The following CACNB2 variants were observed in gnomAD, a reference collection of about 807,000 sequenced individuals.
CACNB2 encodes the protein voltage-dependent L-type calcium channel subunit beta-2.
Under a neutral mutation model 73.3 loss-of-function variants are expected in CACNB2, and 42 were observed. The ratio of observed to expected loss-of-function variants is 0.57; its 90% CI spans 0.45 to 0.74. The LOEUF (loss-of-function observed/expected upper bound fraction) is 0.74, where lower values mean the gene tolerates loss of function less well. Among genes scored for constraint, CACNB2 ranks in the 30% least tolerant of loss-of-function variants. The pLI, the probability that CACNB2 is intolerant of heterozygous loss-of-function variation, is 0.00. For missense variants in CACNB2, 940 were observed against 853.0 expected, an observed-to-expected ratio of 1.10 and a Z score of -1.27; for synonymous variants, 348 against 310.3, an observed-to-expected ratio of 1.12 and a Z score of -1.28.
At position 18,314,943 on chromosome 10, in the gene CACNB2, C is replaced by A. The variant is rs538488146; in HGVS notation, c.214-86981C>A. ...TTGGAATTCTAGTGGTGTTTCATTT[C>A]TTTTTTTAAAAAATACTTGCCCTTA... On this transcript the variant is annotated intron_variant, in intron 2 of 13. Coordinates refer to ENST00000324631, the MANE Select transcript of CACNB2 (RefSeq NM_201596.3). Among the ~76,000 whole-genome samples, 4 of 152,122 alleles carry A rather than the reference C, an allele frequency of 2.6e-5. No homozygotes were observed. In the South Asian group the frequency reaches 8.3e-4, roughly 32 times the overall value.
At chr10:18,289,762 T>C (rs1389992657) in intron 2 of CACNB2, among the ~76,000 whole-genome samples, 2 of 152,188 alleles carry the variant, frequency 1.3e-5, no homozygotes, top group African/African-American at 4.8e-5. Context: ...ACGTGACGTT[T>C]AGCTGTGTGG....
chr10:18,190,152 C>T (rs556813242), intron 2 of CACNB2, among the ~76,000 whole-genome samples: 1 of 152,156 alleles, frequency 6.6e-6, no homozygotes, highest in Non-Finnish European at 1.5e-5. Flanking sequence ...TAGCTCATGT[C>T]CGCATCCTCT....
At chr10:18,433,031 T>C (rs1046648632) in intron 3 of CACNB2, among the ~76,000 whole-genome samples, 1 of 152,010 alleles carries the variant, frequency 6.6e-6, no homozygotes, top group African/African-American at 2.4e-5. Flanking sequence ...GCTTCCTGTT[T>C]CTGTGTTTAC....
chr10:18,299,959 G>T (rs574260280), intron 2 of CACNB2, among the ~76,000 whole-genome samples: 4 of 151,592 alleles, frequency 2.6e-5, no homozygotes, highest in Admixed American at 1.3e-4. Context: ...CTAAATTTCC[G>T]ACCCTGTTCT....
At position 18,237,314 on chromosome 10, in the gene CACNB2, G is replaced by C. The variant is rs550227153; in HGVS notation, c.213+86339G>C. Among the ~76,000 whole-genome samples, 2 of 152,250 alleles carry C rather than the reference G, an allele frequency of 1.3e-5. 1 individual carries two copies. Among genetic ancestry groups the C allele is most frequent in the African/African-American group, 4.8e-5 (2 of 41,544 alleles). Reference sequence around the variant, plus strand: ...TTAAGATTAGATTTTACTCAATTAGGGTTGCCTCAAATCCAGTATGACTGA... The same window carrying C: ...TTAAGATTAGATTTTACTCAATTAGCGTTGCCTCAAATCCAGTATGACTGA... On this transcript the variant is annotated intron_variant, in intron 2 of 13. Transcript: ENST00000324631.
intron 3 of CACNB2, among the ~76,000 whole-genome samples, chr10:18,406,766 C>T (rs1174877243): frequency 3.9e-5 from 6 of 152,174 alleles, no homozygotes; most frequent in African/African-American, 1.4e-4. Context: ...CCCCAAACCC[C>T]AGTCCATGGA....
intron 2 of CACNB2, among the ~76,000 whole-genome samples, chr10:18,163,963 A>T (rs376730641): frequency 9.9e-5 from 15 of 152,146 alleles, no homozygotes; most frequent in African/African-American, 3.6e-4. Context: ...TTGTTGGAAG[A>T]TTCCTTAGAT....
chr10:18,176,109 T>C lies in CACNB2; in HGVS notation c.213+25134T>C, dbSNP rs1445344205. Among the ~76,000 whole-genome samples, 25 of 152,220 alleles carry C rather than the reference T, an allele frequency of 1.6e-4. 1 individual carries two copies. The highest frequency in any genetic ancestry group is 1.6e-3 in the Admixed American group (25 of 15,282). ...TTCATTCCTAGTATCATTTCTAGTA[T>C]GCCAAAGACAGTGGTGCGCTTCCAT... On this transcript the variant is annotated intron_variant, in intron 2 of 13. Coordinates refer to ENST00000324631, the MANE Select transcript of CACNB2 (RefSeq NM_201596.3).
chr10:18,250,170 T>C (rs140047716), intron 2 of CACNB2, among the ~76,000 whole-genome samples: 35 of 152,348 alleles, frequency 2.3e-4, no homozygotes, highest in African/African-American at 8.2e-4. Context: ...AAAACTCATC[T>C]CTGTGTTTCC....
At chr10:18,296,870 A>C (rs1011524585) in intron 2 of CACNB2, among the ~76,000 whole-genome samples, 3 of 152,228 alleles carry the variant, frequency 2.0e-5, no homozygotes, top group Non-Finnish European at 4.4e-5. Context: ...TTCTGAGTTT[A>C]AATCCTGATT....
At chr10:18,262,672 AT>A (rs1362433977) in intron 2 of CACNB2, among the ~76,000 whole-genome samples, 3 of 152,240 alleles carry the variant, frequency 2.0e-5, no homozygotes, top group Non-Finnish European at 4.4e-5. Context: ...AATAATTTTA[AT>A]TTAAAAATCC....
intron 2 of CACNB2, among the ~76,000 whole-genome samples, chr10:18,357,191 T>C (rs911482799): frequency 7.6e-5 from 11 of 144,926 alleles, no homozygotes; most frequent in Admixed American, 5.5e-4. Flanking sequence ...GATCCGCCCG[T>C]CTCGGCCTCC....
chr10:18,420,867 A>G (rs2045281647), intron 3 of CACNB2, among the ~76,000 whole-genome samples: 1 of 152,240 alleles, frequency 6.6e-6, no homozygotes. Context: ...GAAGAACTGA[A>G]AATAATTTTT....
chr10:18,400,657 T>TC (rs2043947278), intron 2 of CACNB2: 2 of 937,324 alleles, frequency 2.1e-6, no homozygotes, highest in South Asian at 8.9e-5. Flanking sequence ...TTTTTTTTTT[T>TC]CTGCGATTCT....
intron 2 of CACNB2, among the ~76,000 whole-genome samples, chr10:18,384,729 C>T (rs756537933): frequency 7.7e-5 from 11 of 142,146 alleles, no homozygotes; most frequent in Non-Finnish European, 1.2e-4. Context: ...GACCCTGTCT[C>T]AAAACAACAA....
At chr10:18,249,063 T>G (rs2036983667) in intron 2 of CACNB2, among the ~76,000 whole-genome samples, 1 of 152,156 alleles carries the variant, frequency 6.6e-6, no homozygotes, top group Non-Finnish European at 1.5e-5. Flanking sequence ...ACACCTTCCT[T>G]GTACTTAAAT....
chr10:18,507,606 A>G (rs971633512), intron 6 of CACNB2, among the ~76,000 whole-genome samples: 5 of 152,114 alleles, frequency 3.3e-5, no homozygotes, highest in African/African-American at 1.2e-4. Flanking sequence ...ATGGAATTCT[A>G]TATAGACAGG....
At chr10:18,147,166 T>G (rs938270770) in intron 1 of CACNB2, among the ~76,000 whole-genome samples, 3 of 152,208 alleles carry the variant, frequency 2.0e-5, no homozygotes, top group African/African-American at 7.2e-5. Flanking sequence ...AACATTTATT[T>G]GCTGATTTTT....
intron 3 of CACNB2, among the ~76,000 whole-genome samples, chr10:18,432,551 G>T (rs1448461858): frequency 6.6e-6 from 1 of 152,058 alleles, no homozygotes; most frequent in Non-Finnish European, 1.5e-5. Context: ...AAACATTCCA[G>T]GCTGGGTGCA....
Sources: gnomAD v4.1 joint callset for allele counts (sites outside exome capture counted in the v4.1 genomes callset) on GRCh38, gnomAD v4.1.1 for gene constraint, MANE v1.5 for transcripts, NCBI Gene and HGNC (gene_info 2026-07-23, HGNC 2026-07-21) for gene names.